Variants in ACYP2 observed in about 807,000 individuals in gnomAD.
ACYP2 encodes acylphosphatase 2, also known as acylphosphatase-2.
In ACYP2, 12 loss-of-function variants were observed where a neutral mutation model predicts 11.2. The observed-to-expected ratio is 1.08, with a 90% confidence interval of 0.69 to 1.74. ACYP2 has a LOEUF of 1.74. Among genes scored for constraint, ACYP2 ranks in the 40% most tolerant of loss-of-function variants. The pLI is 0.00. For synonymous variants in ACYP2, 43 were observed against 32.2 expected (o/e 1.33, Z -1.13); for missense variants, 134 against 101.9 (o/e 1.31, Z -1.35).
chr2:54,277,451 G>A (rs1237907279), intron 6 of ACYP2, among the ~76,000 whole-genome samples: 1 of 152,108 alleles, frequency 6.6e-6, no homozygotes, highest in African/African-American at 2.4e-5. Flanking sequence ...AGGTTGAGGC[G>A]GGTGGATCAT....
At chr2:54,123,173 G>T (rs924564691) in intron 4 of ACYP2, 6 of 393,034 alleles carry the variant, frequency 1.5e-5, no homozygotes, top group Non-Finnish European at 2.7e-5. Flanking sequence ...AAAGTAGCCA[G>T]GAATGACACA....
rs563658417 is a variant in ACYP2 at position 54,050,967 on chromosome 2, C to G, written c.72C>G (p.Val24=). 1 of 410,400 alleles carries G rather than the reference C, an allele frequency of 2.4e-6. No individual in the cohort carries two copies. Among genetic ancestry groups the G allele is most frequent in the East Asian group, 3.5e-5 (1 of 28,418 alleles). 25.4% of individuals were successfully genotyped at this position (410,400 alleles called of 1,614,324 possible). A position where few individuals can be genotyped will look rare whatever the true frequency, so the allele number is the denominator to read the frequency against. ...TTTTCTTTTTTTGTAGATACAAGGT[C>G]TCGCTGTTCTACCTAGGCTGTTCTA... The change falls in exon 3 of 7, where the codon GTC becomes GTG. Residue 24 remains valine, a synonymous_variant. Coordinates refer to ENST00000607452, the MANE Select transcript of ACYP2 (RefSeq NM_001320586.2).
intron 6 of ACYP2, among the ~76,000 whole-genome samples, chr2:54,178,464 T>C (rs988268145): frequency 6.6e-6 from 1 of 152,214 alleles, no homozygotes; most frequent in South Asian, 2.1e-4. Flanking sequence ...GGCTATACTC[T>C]GTAGCTGCCA....
At chr2:54,222,046 G>T (rs1395591679) in intron 6 of ACYP2, among the ~76,000 whole-genome samples, 1 of 152,092 alleles carries the variant, frequency 6.6e-6, no homozygotes, top group African/African-American at 2.4e-5. Flanking sequence ...TATTTATTGA[G>T]CCCTTACCAT....
intron 2 of ACYP2, among the ~76,000 whole-genome samples, chr2:54,006,459 A>G (rs1047381599): frequency 4.6e-5 from 7 of 151,474 alleles, no homozygotes; most frequent in South Asian, 2.1e-4. Context: ...TAGTTTTTTG[A>G]TTTTTTGTAG....
At chr2:54,300,571 GA>G (rs966802594) in intron 6 of ACYP2, among the ~76,000 whole-genome samples, 12 of 152,194 alleles carry the variant, frequency 7.9e-5, no homozygotes, top group African/African-American at 2.9e-4. Context: ...TCTTCATTGA[GA>G]CTGCATCATT....
chr2:54,079,203 T>G (rs977271119), intron 4 of ACYP2, among the ~76,000 whole-genome samples: 3 of 152,182 alleles, frequency 2.0e-5, no homozygotes, highest in African/African-American at 7.2e-5. Context: ...ATCTAAGGTG[T>G]GCTCATGTCT....
At chr2:54,184,268 G>GT (rs540594000) in intron 6 of ACYP2, among the ~76,000 whole-genome samples, 420 of 152,270 alleles carry the variant, frequency 2.8e-3, no homozygotes, top group African/African-American at 9.6e-3. Context: ...AGTGGTATTA[G>GT]CAAGAGAATG....
chr2:54,116,085 C>T (rs992429629), intron 4 of ACYP2, among the ~76,000 whole-genome samples: 1 of 152,074 alleles, frequency 6.6e-6, no homozygotes, highest in Non-Finnish European at 1.5e-5. Flanking sequence ...AGAAGAGGGT[C>T]TTTTAACTAG....
rs1673009169 is a variant in ACYP2 at position 54,005,357 on chromosome 2, TG to T, written c.62+31548del. Among the ~76,000 whole-genome samples the T allele has an allele frequency of 6.6e-5, 10 of 151,864 alleles. No individual in the cohort carries two copies. In the South Asian group the frequency reaches 1.5e-3, roughly 22 times the overall value. ...ATGAAAGTCTATTTTTTTTTTTTTT[TG>T]AGACGGAGTCTTATTCTGTTTCCCA... On this transcript the variant is annotated intron_variant, in intron 2 of 6. Coordinates refer to ENST00000607452, the MANE Select transcript of ACYP2 (RefSeq NM_001320586.2).
chr2:54,192,381 T>A (rs1043118616), intron 6 of ACYP2, among the ~76,000 whole-genome samples: 11 of 152,154 alleles, frequency 7.2e-5, no homozygotes. Context: ...CAGTACTTAT[T>A]TTTAATTTTT....
At chr2:54,122,776 T>C (rs1049911196) in intron 4 of ACYP2, among the ~76,000 whole-genome samples, 11 of 152,336 alleles carry the variant, frequency 7.2e-5, no homozygotes, top group African/African-American at 2.2e-4. Context: ...GCAGAGTTAA[T>C]GGGCTAGAAG....
At chr2:54,128,134 A>G (rs1191780897) in intron 4 of ACYP2, among the ~76,000 whole-genome samples, 1 of 152,246 alleles carries the variant, frequency 6.6e-6, no homozygotes, top group African/African-American at 2.4e-5. Flanking sequence ...GGGATGAATC[A>G]TATGCAATTG....
chr2:54,190,463 T>C (rs1684194988), intron 6 of ACYP2, among the ~76,000 whole-genome samples: 1 of 152,142 alleles, frequency 6.6e-6, no homozygotes, highest in South Asian at 2.1e-4. Flanking sequence ...TTAAAGTCAC[T>C]GATGACCTCC....
At chr2:54,239,892 C>A (rs1686656829) in intron 6 of ACYP2, among the ~76,000 whole-genome samples, 1 of 152,096 alleles carries the variant, frequency 6.6e-6, no homozygotes, top group South Asian at 2.1e-4. Flanking sequence ...ACATATGAAT[C>A]TATTCACTTC....
intron 6 of ACYP2, among the ~76,000 whole-genome samples, chr2:54,201,620 C>G (rs552817393): frequency 3.8e-4 from 33 of 87,090 alleles, no homozygotes; most frequent in African/African-American, 8.9e-4. Context: ...TTCTTTCTTT[C>G]TTTGTTTCTT....
At chr2:54,132,587 C>T (rs778298686) in intron 4 of ACYP2, among the ~76,000 whole-genome samples, 10 of 152,116 alleles carry the variant, frequency 6.6e-5, no homozygotes, top group African/African-American at 1.4e-4. Context: ...CTTAACCAGG[C>T]TTAACTGCTG....
intron 2 of ACYP2, among the ~76,000 whole-genome samples, chr2:53,993,190 A>G (rs1185012906): frequency 6.6e-6 from 1 of 152,134 alleles, no homozygotes; most frequent in Non-Finnish European, 1.5e-5. Flanking sequence ...TGGGCGACAG[A>G]GGTTGACAAG....
At chr2:54,002,104 TTATAA>T (rs1474556565) in intron 2 of ACYP2, among the ~76,000 whole-genome samples, 2 of 152,194 alleles carry the variant, frequency 1.3e-5, no homozygotes, top group Non-Finnish European at 2.9e-5. Flanking sequence ...GTTTCCACTA[TTATAA>T]TATCATACAG....
Sources: gnomAD v4.1 joint callset for allele counts (sites outside exome capture counted in the v4.1 genomes callset) on GRCh38, gnomAD v4.1.1 for gene constraint, MANE v1.5 for transcripts, NCBI Gene and HGNC (gene_info 2026-07-23, HGNC 2026-07-21) for gene names.